SHISA9: variants seen among roughly 807,000 people sequenced by gnomAD.
SHISA9 encodes shisa family member 9, also known as protein shisa-9.
SHISA9 carries 13 observed loss-of-function variants against 38.0 expected under a neutral mutation model. That is an observed-to-expected ratio of 0.34 (90% CI 0.22 to 0.54). The LOEUF (loss-of-function observed/expected upper bound fraction) is 0.54, where lower values mean the gene tolerates loss of function less well. SHISA9 is among the 20% of genes least tolerant of loss of function. The pLI is 0.91. For synonymous variants in SHISA9, 275 were observed against 242.0 expected (o/e 1.14, Z -1.27); for missense variants, 538 against 575.8 (o/e 0.93, Z 0.67).
At chr16:13,529,585 C>T in the SHISA9 span, among the ~76,000 whole-genome samples, 1 of 152,216 alleles carries the variant, frequency 6.6e-6, no homozygotes, top group Non-Finnish European at 1.5e-5. Flanking sequence ...GGACCACTTA[C>T]TCAAGGCTAC....
chr16:12,908,948 C>T (rs1055774250), intron 1 of SHISA9: 1 of 1,002,754 alleles, frequency 1.0e-6, no homozygotes, highest in Non-Finnish European at 1.2e-6. Flanking sequence ...AAACATGCTT[C>T]AGAAGAACTG....
chr16:13,303,653 C>A, the SHISA9 span, among the ~76,000 whole-genome samples: 3 of 152,154 alleles, frequency 2.0e-5, no homozygotes, highest in Non-Finnish European at 4.4e-5. Flanking sequence ...ATGATGAAAA[C>A]GTTTTAGAAC....
downstream of SHISA9, among the ~76,000 whole-genome samples, chr16:13,243,910 C>T (rs961038004): frequency 6.6e-6 from 1 of 151,634 alleles, no homozygotes; most frequent in Non-Finnish European, 1.5e-5. Flanking sequence ...GTAGCTGGGA[C>T]TACAGGCACG....
chr16:13,217,196 C>G (rs973220394), intron 4 of SHISA9, among the ~76,000 whole-genome samples: 1 of 151,836 alleles, frequency 6.6e-6, no homozygotes, highest in Admixed American at 6.6e-5. Flanking sequence ...GAGAATGGCG[C>G]GAACCCGGGA....
the SHISA9 span, among the ~76,000 whole-genome samples, chr16:13,372,840 T>A: frequency 7.9e-5 from 12 of 152,162 alleles, no homozygotes; most frequent in African/African-American, 1.9e-4. Context: ...CTTTTTTTTT[T>A]AAACCATCCC....
intron 2 of SHISA9, among the ~76,000 whole-genome samples, chr16:13,037,099 C>CAG (rs2073080328): frequency 2.8e-5 from 2 of 71,800 alleles, no homozygotes; most frequent in African/African-American, 1.2e-4. Flanking sequence ...CACACACACA[C>CAG]ACACACACAG....
chr16:13,357,583 C>T, the SHISA9 span, among the ~76,000 whole-genome samples: 40 of 152,102 alleles, frequency 2.6e-4, no homozygotes, highest in Non-Finnish European at 4.9e-4. Flanking sequence ...ATTTCATGCG[C>T]GTCCGTGTGA....
the SHISA9 span, among the ~76,000 whole-genome samples, chr16:13,253,453 A>C: frequency 6.6e-6 from 1 of 152,192 alleles, no homozygotes; most frequent in Admixed American, 6.5e-5. Context: ...TGGGTAATTT[A>C]TATAAGAAGA....
At chr16:13,296,775 C>T in the SHISA9 span, among the ~76,000 whole-genome samples, 1 of 151,004 alleles carries the variant, frequency 6.6e-6, no homozygotes, top group Admixed American at 6.6e-5. Context: ...CCTGTAATCC[C>T]AGCTACTTGG....
chr16:13,290,386 T>C, the SHISA9 span, among the ~76,000 whole-genome samples: 19 of 152,110 alleles, frequency 1.2e-4, no homozygotes, highest in African/African-American at 4.1e-4. Flanking sequence ...ACCCATGCTT[T>C]TAGCCAAGAT....
At chr16:13,096,766 T>A (rs1340653681) in intron 2 of SHISA9, among the ~76,000 whole-genome samples, 1 of 152,184 alleles carries the variant, frequency 6.6e-6, no homozygotes, top group Non-Finnish European at 1.5e-5. Flanking sequence ...GGACTTTTGA[T>A]GTTTCGTGAA....
At chr16:13,497,947 T>C in the SHISA9 span, among the ~76,000 whole-genome samples, 1 of 151,904 alleles carries the variant, frequency 6.6e-6, no homozygotes, top group Admixed American at 6.6e-5. Context: ...AATCTTAAAA[T>C]ATTAAAGATT....
At chr16:12,955,291 T>A (rs2071814612) in intron 2 of SHISA9, among the ~76,000 whole-genome samples, 1 of 152,172 alleles carries the variant, frequency 6.6e-6, no homozygotes, top group South Asian at 2.1e-4. Context: ...TTCCTCATTT[T>A]CTTGCCAAGT....
chr16:13,087,157 T>C (rs1433631165), intron 2 of SHISA9, among the ~76,000 whole-genome samples: 1 of 149,114 alleles, frequency 6.7e-6, no homozygotes, highest in African/African-American at 2.5e-5. Context: ...CTTTTTTTTT[T>C]TTTTTTTTTT....
At chr16:13,493,665 C>T in the SHISA9 span, among the ~76,000 whole-genome samples, 1 of 151,300 alleles carries the variant, frequency 6.6e-6, no homozygotes, top group African/African-American at 2.4e-5. Context: ...AAAGAGAAAA[C>T]AGTGGATGCT....
the SHISA9 span, among the ~76,000 whole-genome samples, chr16:13,246,668 G>T: frequency 8.5e-5 from 13 of 152,218 alleles, no homozygotes; most frequent in African/African-American, 1.2e-4. Context: ...AAATGGTTTT[G>T]TGAAGCAGTA....
chr16:13,003,886 TAATAAGAAGAAG>T (rs1402362615), intron 2 of SHISA9, among the ~76,000 whole-genome samples: 3 of 146,038 alleles, frequency 2.1e-5, no homozygotes, highest in Non-Finnish European at 3.0e-5. Flanking sequence ...ATAATAATAA[TAATAAGAAGAAG>T]AAGAAGAAGA....
At chr16:13,432,962 G>T in the SHISA9 span, among the ~76,000 whole-genome samples, 4 of 151,972 alleles carry the variant, frequency 2.6e-5, no homozygotes, top group African/African-American at 9.7e-5. Context: ...ATAACTAATG[G>T]GTACTAGGCT....
At chr16:13,220,753 G>A (rs1308765550) in intron 4 of SHISA9, among the ~76,000 whole-genome samples, 1 of 152,166 alleles carries the variant, frequency 6.6e-6, no homozygotes, top group African/African-American at 2.4e-5. Context: ...TGTGGGAATC[G>A]GTGGGAGGGG....
Sources: allele counts gnomAD v4.1 joint callset (sites outside exome capture counted in the v4.1 genomes callset), GRCh38; gene constraint gnomAD v4.1.1; transcripts MANE v1.5; gene names NCBI Gene and HGNC (gene_info 2026-07-23, HGNC 2026-07-21).